Variants in SEZ6L2 observed in about 807,000 individuals in gnomAD.
The protein encoded by SEZ6L2 is seizure related 6 homolog like 2, also known as seizure 6-like protein 2.
A neutral mutation model predicts 97.0 loss-of-function variants in SEZ6L2; 44 were observed. The observed-to-expected ratio is 0.45, with a 90% confidence interval of 0.36 to 0.58. The LOEUF (loss-of-function observed/expected upper bound fraction) is 0.58, where lower values mean the gene tolerates loss of function less well. Ranked by LOEUF, SEZ6L2 falls within the 20% of genes least tolerant of loss-of-function variation. SEZ6L2 has a pLI of 0.00. For synonymous variants in SEZ6L2, 543 were observed against 546.1 expected (o/e 0.99, Z 0.08); for missense variants, 1,086 against 1,233.3 (o/e 0.88, Z 1.79).
In SEZ6L2 at chr16:29,877,284, T is replaced by C; in HGVS notation, c.1896A>G (p.Val632=). 1 of 1,598,240 alleles carries C rather than the reference T, an allele frequency of 6.3e-7. No homozygotes were observed. The highest frequency in any genetic ancestry group is 8.5e-7 in the Non-Finnish European group (1 of 1,172,212). ...PPNPGLGQGF[V]LHFKEVPRND... is the part of the protein sequence containing the mutation. ...ATCCCTCAGTACCTTTGAAGTGCAA[T>C]ACGAAGCCCTGGCCCAGGCCTGGAT... The change falls in exon 11 of 18, where the codon GTA becomes GTG. Residue 632 remains valine (V), a synonymous_variant. Transcript: ENST00000617533.
Position 29,876,607 on chromosome 16 carries a change from G to T in SEZ6L2, c.2104+149C>A. On this transcript the variant is annotated intron_variant, in intron 12 of 17. Coordinates refer to ENST00000617533, the MANE Select transcript of SEZ6L2 (RefSeq NM_001243332.2). This position sits in a 1 kb window ranked among gnomAD's most constrained non-coding sequence, Gnocchi z 6.5. ...CGGGCGGAGGAGTGAGAACTAAAGG[G>T]CATGGGGGCAGGCCTTGAAGAAGAT... is the stretch of plus-strand genomic sequence containing the variant. 1 of 692,360 alleles carries T rather than the reference G, an allele frequency of 1.4e-6. No homozygotes were observed. The highest frequency in any genetic ancestry group is 2.3e-6 in the Non-Finnish European group (1 of 425,788). The allele number at this position is 692,360 out of a possible 1,614,324, so 42.9% of individuals were successfully genotyped here.
Position 29,873,177 on chromosome 16 carries a change from C to T in SEZ6L2, c.2488+63G>A. 1 of 1,577,300 alleles carries T rather than the reference C, an allele frequency of 6.3e-7. No individual in the cohort carries two copies. The highest frequency in any genetic ancestry group is 8.6e-7 in the Non-Finnish European group (1 of 1,157,334). Reference sequence around the variant, plus strand: ...CATTGGTCTCAAATGTGCTACCTGACTCTCCCAGCCCTGTCACTTCCCGGA... The same window carrying T: ...CATTGGTCTCAAATGTGCTACCTGATTCTCCCAGCCCTGTCACTTCCCGGA... On this transcript the variant is annotated intron_variant, in intron 14 of 17. Transcript: ENST00000617533. This position sits in a 1 kb window ranked among gnomAD's most constrained non-coding sequence, Gnocchi z 4.3.
chr16:29,877,321 G>C lies in SEZ6L2; in HGVS notation c.1859C>G (p.Pro620Arg). The change falls in exon 11 of 18, where the codon CCC (proline) becomes CGC (arginine). Residue 620 changes from proline (P) to arginine (R), a missense_variant. Coordinates refer to ENST00000617533, the MANE Select transcript of SEZ6L2 (RefSeq NM_001243332.2). ...PDLTLQFQAP[P>R]GPPNPGLGQG... ...GCCCAGGCCTGGATTTGGGGGCCCG[G>C]GCGGTGCCTGAAACTGCAGTGTGAG... The C allele has an allele frequency of 2.5e-6, 4 of 1,612,568 alleles. No homozygotes were observed. Among genetic ancestry groups the C allele is most frequent in the Non-Finnish European group, 3.4e-6 (4 of 1,179,278 alleles).
chr16:29,894,242 C>T (rs890542457), intron 5 of SEZ6L2, among the ~76,000 whole-genome samples: 4 of 152,178 alleles, frequency 2.6e-5, no homozygotes, highest in African/African-American at 9.7e-5. Flanking sequence ...ATTGTGATCC[C>T]TATTTTTCAG....
chr16:29,880,169 CTTTTT>C, intron 8 of SEZ6L2, 105 bp from the exon 9 acceptor site: 3 of 789,784 alleles, frequency 3.8e-6, no homozygotes, highest in Non-Finnish European at 5.5e-6. Context: ...ACTCACTGGG[CTTTTT>C]TTTTTTTTTA....
chr16:29,888,177 G>A (rs560316283), intron 6 of SEZ6L2, among the ~76,000 whole-genome samples: 9 of 152,198 alleles, frequency 5.9e-5, no homozygotes, highest in South Asian at 4.1e-4. Flanking sequence ...AAGACACCAC[G>A]GGATGGGAAT....
At chr16:29,881,783 ACCCC>A (rs1245456676) in intron 8 of SEZ6L2, among the ~76,000 whole-genome samples, 4 of 147,436 alleles carry the variant, frequency 2.7e-5, no homozygotes, top group Admixed American at 1.4e-4. Flanking sequence ...ACCCACAACC[ACCCC>A]CGGCTAATTT....
At chr16:29,887,934 G>C in intron 6 of SEZ6L2, 117 bp from the exon 7 acceptor site, 1 of 1,156,118 alleles carries the variant, frequency 8.6e-7, no homozygotes. Context: ...ACCCGGCCCA[G>C]GGCTGGCCTC....
intron 12 of SEZ6L2, among the ~76,000 whole-genome samples, chr16:29,874,805 A>C (rs537010002): frequency 6.6e-6 from 1 of 152,016 alleles, no homozygotes; most frequent in South Asian, 2.1e-4. Flanking sequence ...TCCTGACCTC[A>C]GGTGATCCAC....
intron 10 of SEZ6L2, 66 bp from the exon 11 acceptor site, chr16:29,877,533 C>A (rs1192444274): frequency 7.1e-7 from 1 of 1,409,296 alleles, no homozygotes; most frequent in African/African-American, 1.4e-5. Context: ...AGCTCTGCCC[C>A]ATCCTCAACT....
rs144956155 is a variant in SEZ6L2 at position 29,895,295 on chromosome 16, C to T, written c.817G>A (p.Val273Ile). The T allele has an allele frequency of 6.6e-5, 107 of 1,614,124 alleles. 1 individual carries two copies. The African/African-American group carries it at 1.3e-3, about 19-fold the overall frequency. ...ATCCTGAAGCCACCGCCCCTTGGGACCCGTGGGCTCTGGAAGTGCAGAAGC... is the reference window on the plus strand; with the variant it reads ...ATCCTGAAGCCACCGCCCCTTGGGATCCGTGGGCTCTGGAAGTGCAGAAGC... Reference protein sequence around the residue: ...RLLLHFQSPRVPRGGGFRIHY... With the variant: ...RLLLHFQSPRIPRGGGFRIHY... The change falls in exon 5 of 18, where the codon GTC becomes ATC. Residue 273 changes from valine (V) to isoleucine (I), a missense_variant. Val to Ile is a conservative substitution (Grantham distance 29). Transcript: ENST00000617533.
rs2067772551 is a variant in SEZ6L2, at chr16:29,871,222, CTG to C, written c.*475_*476del. ...GAATTCAGAAGCAAAGGTGGAGAGA[CTG>C]TGGGTTGGGGAGATGGCAGGAAGGG... On this transcript the variant is annotated 3_prime_UTR_variant, in exon 18 of 18. Coordinates refer to ENST00000617533, the MANE Select transcript of SEZ6L2 (RefSeq NM_001243332.2). The C allele has an allele frequency of 1.0e-5, 2 of 193,046 alleles. No individual in the cohort carries two copies. Among genetic ancestry groups the C allele is most frequent in the South Asian group, 1.2e-4 (1 of 8,610 alleles). 12.0% of individuals were successfully genotyped at this position (193,046 alleles called of 1,614,324 possible).
chr16:29,876,732 G>A lies in SEZ6L2; in HGVS notation c.2104+24C>T. 6.6e-7 allele frequency: 1 copy of A among 1,515,650 alleles called. No homozygotes were observed. The highest frequency in any genetic ancestry group is 8.9e-7 in the Non-Finnish European group (1 of 1,127,320). 93.9% of individuals were successfully genotyped at this position (1,515,650 alleles called of 1,614,324 possible). ...CCCACAGGGAAGGGGCGGGGCCGAG[G>A]GGACGCGGGCGGGGCCGGCTCACTC... On this transcript the variant is annotated intron_variant, in intron 12 of 17. Coordinates refer to ENST00000617533, the MANE Select transcript of SEZ6L2 (RefSeq NM_001243332.2). The surrounding 1 kb of genome is among the most constrained non-coding windows in gnomAD (Gnocchi z 6.5).
chr16:29,888,374 C>T (rs532163210), intron 6 of SEZ6L2, among the ~76,000 whole-genome samples, 166 bp downstream of exon 6: 27 of 152,220 alleles, frequency 1.8e-4, no homozygotes, highest in African/African-American at 5.5e-4. Flanking sequence ...AGAGACCCTC[C>T]GCACAAAGAG....
At chr16:29,894,578 T>G (rs1447912528) in intron 5 of SEZ6L2, among the ~76,000 whole-genome samples, 1 of 152,116 alleles carries the variant, frequency 6.6e-6, no homozygotes, top group East Asian at 1.9e-4. Flanking sequence ...ATATTCCTTA[T>G]CTCCTTGAAT....
At chr16:29,890,695 C>G (rs1328747372) in intron 5 of SEZ6L2, among the ~76,000 whole-genome samples, 1 of 151,552 alleles carries the variant, frequency 6.6e-6, no homozygotes, top group Non-Finnish European at 1.5e-5. Flanking sequence ...GTTCTCTTAC[C>G]TGTACACAGT....
intron 9 of SEZ6L2, 104 bp downstream of exon 9, chr16:29,879,760 T>C (rs1567415105): frequency 9.7e-7 from 1 of 1,030,110 alleles, no homozygotes; most frequent in South Asian, 1.6e-5. Flanking sequence ...CTTGGGTGGA[T>C]GAAGTCTGGA....
intron 10 of SEZ6L2, 31 bp downstream of exon 10, chr16:29,878,256 C>A: frequency 6.4e-7 from 1 of 1,563,806 alleles, no homozygotes; most frequent in East Asian, 2.3e-5. Flanking sequence ...GAGCCTACAC[C>A]CGTCGCACCC....
At chr16:29,896,715 A>G (rs2068398764) in intron 3 of SEZ6L2, 107 bp downstream of exon 3, 1 of 891,214 alleles carries the variant, frequency 1.1e-6, no homozygotes, top group African/African-American at 1.7e-5. Flanking sequence ...TTATTCTCCC[A>G]TCTGTACCCA....
Sources: gnomAD v4.1 joint callset for allele counts (sites outside exome capture counted in the v4.1 genomes callset) on GRCh38, gnomAD v4.1.1 for gene constraint, Gnocchi (gnomAD v3.1) non-coding constraint, MANE v1.5 for transcripts, NCBI Gene and HGNC (gene_info 2026-07-23, HGNC 2026-07-21) for gene names.